The following SLC25A26 variants were observed in gnomAD, a reference collection of about 807,000 sequenced individuals.
The protein encoded by SLC25A26 is solute carrier family 25 member 26.
SLC25A26 carries 36 observed loss-of-function variants against 37.8 expected under a neutral mutation model. The ratio of observed to expected loss-of-function variants is 0.95; its 90% CI spans 0.73 to 1.26. The LOEUF (loss-of-function observed/expected upper bound fraction) is 1.26. Ranked by LOEUF, SLC25A26 falls within the 50% of genes most tolerant of loss-of-function variation. The pLI, the probability that SLC25A26 is intolerant of heterozygous loss-of-function variation, is 0.00. For synonymous variants in SLC25A26, 129 were observed against 122.5 expected (o/e 1.05, Z -0.35); for missense variants, 390 against 331.1 (o/e 1.18, Z -1.38).
At chr3:66,177,860 A>C (rs1260990807) in intron 1 of SLC25A26, among the ~76,000 whole-genome samples, 1 of 152,228 alleles carries the variant, frequency 6.6e-6, no homozygotes, top group Non-Finnish European at 1.5e-5. Flanking sequence ...GGTATAGGCC[A>C]CCCAGAAAGG....
At position 66,209,021 on chromosome 3, in the gene SLC25A26, TACAC is replaced by T. The variant is rs1559577444; in HGVS notation, c.-353-11718_-353-11715del. Among the ~76,000 whole-genome samples, 38 of 89,274 alleles carry T rather than the reference TACAC, an allele frequency of 4.3e-4. No individual in the cohort carries two copies. In the East Asian group the frequency reaches 7.1e-3, roughly 17 times the overall value. The allele number at this position is 89,274 out of a possible 152,430, so 58.6% of individuals were successfully genotyped here. A position where few individuals can be genotyped will look rare whatever the true frequency, so the allele number is the denominator to read the frequency against. ...ACCCATATAAAGGTATATATATATA[TACAC>T]ACCCATATAAAGGTGTATATATATA... On this transcript the variant is annotated intron_variant, in intron 1 of 10. Transcript: ENST00000676754.
intron 1 of SLC25A26, among the ~76,000 whole-genome samples, chr3:66,195,841 AT>A (rs1295747597): frequency 2.6e-5 from 4 of 152,260 alleles, no homozygotes; most frequent in Non-Finnish European, 5.9e-5. Context: ...GGATAAAAAT[AT>A]TTGGTAAATT....
intron 5 of SLC25A26, among the ~76,000 whole-genome samples, chr3:66,324,896 A>G (rs976352713): frequency 1.3e-5 from 2 of 152,022 alleles, no homozygotes; most frequent in Non-Finnish European, 2.9e-5. Flanking sequence ...TTGGGGGCCT[A>G]CAAATTATAG....
chr3:66,324,508 A>T (rs1382277553), intron 5 of SLC25A26, among the ~76,000 whole-genome samples: 1 of 152,112 alleles, frequency 6.6e-6, no homozygotes, highest in Non-Finnish European at 1.5e-5. Context: ...TGGCTGCATG[A>T]TTCCTGAGCC....
intron 1 of SLC25A26, among the ~76,000 whole-genome samples, chr3:66,213,130 T>C (rs2071308309): frequency 1.3e-5 from 2 of 152,142 alleles, no homozygotes; most frequent in Non-Finnish European, 2.9e-5. Flanking sequence ...CCAGGCGCGG[T>C]GGCTCACGCC....
chr3:66,144,553 T>C (rs551009065), intron 1 of SLC25A26, among the ~76,000 whole-genome samples: 4 of 152,142 alleles, frequency 2.6e-5, no homozygotes, highest in Admixed American at 6.5e-5. Context: ...TAGCTGGTTG[T>C]GGTGTGTGTG....
At chr3:66,315,563 C>G (rs1316712690) in intron 5 of SLC25A26, among the ~76,000 whole-genome samples, 1 of 152,148 alleles carries the variant, frequency 6.6e-6, no homozygotes, top group South Asian at 2.1e-4. Context: ...TTTAGAGTGC[C>G]ATGTGGCACC....
At position 66,352,420 on chromosome 3, in the gene SLC25A26, CGTTTTTTGTTTTTT is replaced by C. The variant is rs898701532; in HGVS notation, c.498+6027_498+6040del. Among the ~76,000 whole-genome samples the C allele has an allele frequency of 2.1e-5, 3 of 140,430 alleles. 1 individual carries two copies. Among genetic ancestry groups the C allele is most frequent in the African/African-American group, 9.0e-5 (3 of 33,482 alleles). The allele number at this position is 140,430 out of a possible 152,430, so 92.1% of individuals were successfully genotyped here. On this transcript the variant is annotated intron_variant, in intron 6 of 9. Coordinates refer to ENST00000354883, the MANE Select transcript of SLC25A26 (RefSeq NM_001379210.1). The stretch of plus-strand genomic sequence containing the variant: ...TGTGCTGCTGCCTAGCGCCTCCCCT[CGTTTTTTGTTTTTT>C]GTTTTTTGTTTTTTTTTTTGAGATG...
intron 1 of SLC25A26, among the ~76,000 whole-genome samples, chr3:66,147,348 A>G (rs1415815642): frequency 2.0e-5 from 3 of 151,276 alleles, no homozygotes; most frequent in Non-Finnish European, 4.4e-5. Flanking sequence ...TTTTTTGTAG[A>G]GATGGGGTTT....
chr3:66,226,333 AC>A (rs1553660582), intron 1 of SLC25A26, among the ~76,000 whole-genome samples: 2 of 152,068 alleles, frequency 1.3e-5, no homozygotes, highest in East Asian at 3.9e-4. Context: ...ATTCACTATC[AC>A]CAGAACAGAA....
At chr3:66,292,111 A>C (rs978484491) in intron 5 of SLC25A26, among the ~76,000 whole-genome samples, 3 of 152,170 alleles carry the variant, frequency 2.0e-5, no homozygotes, top group Non-Finnish European at 4.4e-5. Context: ...GTCAGAGACT[A>C]GGATTGCAAC....
intron 1 of SLC25A26, among the ~76,000 whole-genome samples, chr3:66,150,510 T>A (rs186887659): frequency 0.1 from 11,032 of 106,884 alleles, 762 homozygotes; most frequent in Middle Eastern, 0.17. Context: ...GACAAAAAAA[T>A]ATATATATAT....
chr3:66,274,062 G>A lies in SLC25A26; in HGVS notation c.453+10683G>A, dbSNP rs528012224. On this transcript the variant is annotated intron_variant, in intron 5 of 9. Transcript: ENST00000354883. ...GGTACCAAAACAGAGATATAGATCAGTGGAACAGAACAGAGCCCTCAGAAA... is the reference window on the plus strand; with the variant it reads ...GGTACCAAAACAGAGATATAGATCAATGGAACAGAACAGAGCCCTCAGAAA... 2.2e-4 allele frequency among the ~76,000 whole-genome samples: 33 copies of A among 152,140 alleles called. No homozygotes were observed. In the South Asian group the frequency reaches 3.1e-3, roughly 14 times the overall value.
chr3:66,308,767 G>A (rs1446524102), intron 5 of SLC25A26, among the ~76,000 whole-genome samples: 1 of 152,158 alleles, frequency 6.6e-6, no homozygotes, highest in Non-Finnish European at 1.5e-5. Flanking sequence ...TTTATTGAAA[G>A]CCTTTTCTGC....
intron 5 of SLC25A26, among the ~76,000 whole-genome samples, chr3:66,343,850 T>A (rs986970027): frequency 2.0e-5 from 3 of 152,210 alleles, no homozygotes; most frequent in Non-Finnish European, 2.9e-5. Context: ...CACAGTCAAG[T>A]TATTGTTTTG....
Position 66,374,429 on chromosome 3 carries a change from TGTG to T in SLC25A26, c.708-3257_708-3255del, listed in dbSNP as rs541301829. 1.2e-4 allele frequency among the ~76,000 whole-genome samples: 19 copies of T among 152,316 alleles called. No homozygotes were observed. The East Asian group carries it at 3.5e-3, about 28-fold the overall frequency. ...GAAGACGGCAAACTTAATCGACAAATGTGGTGTGGGTTCGGGCTGTGTCTCCAA... is the reference window on the plus strand; with the variant it reads ...GAAGACGGCAAACTTAATCGACAAATGTGTGGGTTCGGGCTGTGTCTCCAA... On this transcript the variant is annotated intron_variant, in intron 9 of 9. Transcript: ENST00000354883.
intron 1 of SLC25A26, among the ~76,000 whole-genome samples, chr3:66,215,434 C>T (rs2071346045): frequency 6.6e-6 from 1 of 152,152 alleles, no homozygotes; most frequent in Non-Finnish European, 1.5e-5. Flanking sequence ...TTCCTGGACT[C>T]AAGTGATCCT....
intron 5 of SLC25A26, among the ~76,000 whole-genome samples, chr3:66,267,717 A>G (rs1260043606): frequency 6.6e-6 from 1 of 152,238 alleles, no homozygotes; most frequent in East Asian, 1.9e-4. Context: ...TAAGCAGTCA[A>G]CATGCCAAAC....
chr3:66,349,502 A>AT (rs1219838787), intron 6 of SLC25A26, among the ~76,000 whole-genome samples: 2 of 151,446 alleles, frequency 1.3e-5, no homozygotes, highest in Non-Finnish European at 2.9e-5. Flanking sequence ...TTAATGTAAT[A>AT]TTTTTGAGAT....
Sources: allele counts gnomAD v4.1 joint callset (sites outside exome capture counted in the v4.1 genomes callset), GRCh38; gene constraint gnomAD v4.1.1; transcripts MANE v1.5; gene names NCBI Gene and HGNC (gene_info 2026-07-23, HGNC 2026-07-21).